The following PCDHGB1 variants were observed in gnomAD, a reference collection of about 807,000 sequenced individuals.
PCDHGB1 encodes protocadherin gamma-B1.
PCDHGB1 carries 34 observed loss-of-function variants against 56.6 expected under a neutral mutation model. The observed-to-expected ratio is 0.60, with a 90% CI of 0.46 to 0.80. The LOEUF is 0.80. PCDHGB1 is among the 30% of genes least tolerant of loss of function. The pLI, the probability that PCDHGB1 is intolerant of heterozygous loss-of-function variation, is 0.00. For synonymous variants in PCDHGB1, 561 were observed against 505.9 expected (o/e 1.11, Z -1.46); for missense variants, 1,278 against 1,204.6 (o/e 1.06, Z -0.90).
At chr5:141,409,241 A>G in intron 1 of PCDHGB1, 1 of 1,614,038 alleles carries the variant, frequency 6.2e-7, no homozygotes. Context: ...CAGCCCAGAA[A>G]TAATCATCAC....
intron 1 of PCDHGB1, chr5:141,404,708 T>C: frequency 6.2e-7 from 1 of 1,614,064 alleles, no homozygotes; most frequent in Non-Finnish European, 8.5e-7. Context: ...AGAGCCTGGC[T>C]ACCTGGTGAC....
intron 1 of PCDHGB1, chr5:141,366,610 C>T (rs1157276449): frequency 1.9e-6 from 3 of 1,614,232 alleles, no homozygotes; most frequent in Non-Finnish European, 2.5e-6. Context: ...TCTCCCTCAC[C>T]GCGGACTCGA....
intron 1 of PCDHGB1, chr5:141,365,046 C>G (rs753242901): frequency 6.2e-7 from 1 of 1,613,884 alleles, no homozygotes; most frequent in South Asian, 1.1e-5. Flanking sequence ...AACGACAATG[C>G]GCCCCTGTTC....
intron 1 of PCDHGB1, chr5:141,361,373 A>T (rs768174278): frequency 1.1e-5 from 18 of 1,613,958 alleles, no homozygotes; most frequent in Non-Finnish European, 1.5e-5. Flanking sequence ...CTGGACCGGG[A>T]GGAGATCCCA....
chr5:141,444,589 C>A (rs1198742574), intron 1 of PCDHGB1, among the ~76,000 whole-genome samples: 1 of 152,068 alleles, frequency 6.6e-6, no homozygotes, highest in Non-Finnish European at 1.5e-5. Context: ...TTTCTACTTA[C>A]CTTATTTAAA....
chr5:141,495,853 C>T (rs1254274145), intron 2 of PCDHGB1, among the ~76,000 whole-genome samples: 1 of 152,136 alleles, frequency 6.6e-6, no homozygotes, highest in African/African-American at 2.4e-5. Context: ...TTCTCTGTCT[C>T]TCACTATTTC....
intron 1 of PCDHGB1, chr5:141,357,413 C>A (rs374712311): frequency 6.2e-7 from 1 of 1,614,132 alleles, no homozygotes; most frequent in African/African-American, 1.3e-5. Flanking sequence ...GTGCCTGCCT[C>A]GCACTTTGTG....
intron 1 of PCDHGB1, among the ~76,000 whole-genome samples, chr5:141,479,050 C>T (rs1484021560): frequency 6.6e-6 from 1 of 152,164 alleles, no homozygotes; most frequent in African/African-American, 2.4e-5. Context: ...ACCTCATTCT[C>T]AGATAATTTT....
intron 1 of PCDHGB1, chr5:141,424,475 T>C (rs1399874639): frequency 2.6e-5 from 4 of 152,234 alleles, no homozygotes; most frequent in Admixed American, 2.0e-4. Context: ...ATTCTTTTAC[T>C]TTGGTGTCTG....
Position 141,489,090 on chromosome 5 carries a change from C to CCAA in PCDHGB1, c.2410-5717_2410-5716insCAA, listed in dbSNP as rs2099682444. 1 of 328,824 alleles carries CCAA rather than the reference C, an allele frequency of 3.0e-6. No individual in the cohort carries two copies. Among genetic ancestry groups the CCAA allele is most frequent in the Admixed American group, 6.1e-5 (1 of 16,500 alleles). The allele number at this position is 328,824 out of a possible 1,614,324, so 20.4% of individuals were successfully genotyped here. ...CCTGCCCACCCCCGCCACTCGGTGA[C>CCAA]TAAGAACTGCTGCAAGCAGGCAAAC... On this transcript the variant is annotated intron_variant, in intron 1 of 3. Transcript: ENST00000523390. This position sits in a 1 kb window ranked among gnomAD's most constrained non-coding sequence, Gnocchi z 4.5.
chr5:141,403,787 T>A (rs1213408515), intron 1 of PCDHGB1: 3 of 1,613,818 alleles, frequency 1.9e-6, no homozygotes, highest in Non-Finnish European at 2.5e-6. Flanking sequence ...AAAAGTGGCA[T>A]ACAAATTCTG....
At chr5:141,410,124 G>T in intron 1 of PCDHGB1, 1 of 1,612,726 alleles carries the variant, frequency 6.2e-7, no homozygotes, top group South Asian at 1.1e-5. Flanking sequence ...GCCCGCCAGC[G>T]CCTGCTGGTC....
intron 1 of PCDHGB1, chr5:141,377,207 A>G (rs1170353646): frequency 6.6e-6 from 1 of 152,122 alleles, no homozygotes; most frequent in Non-Finnish European, 1.5e-5. Context: ...GATTGAGTAC[A>G]TCTCGTTTCT....
At chr5:141,358,684 A>C (rs1437513367) in intron 1 of PCDHGB1, among the ~76,000 whole-genome samples, 1 of 152,182 alleles carries the variant, frequency 6.6e-6, no homozygotes, top group African/African-American at 2.4e-5. Flanking sequence ...ATTGCTTATC[A>C]TGACATCACT....
At chr5:141,360,109 G>T (rs1218338018) in intron 1 of PCDHGB1, 3 of 1,561,508 alleles carry the variant, frequency 1.9e-6, no homozygotes, top group African/African-American at 2.7e-5. Context: ...TTCCTCCTAT[G>T]GGCAAAGGAG....
intron 1 of PCDHGB1, chr5:141,357,302 C>G: frequency 3.7e-6 from 6 of 1,614,086 alleles, no homozygotes; most frequent in Non-Finnish European, 5.1e-6. Context: ...GCCGCTGTCT[C>G]CTGCGTCTTC....
At chr5:141,355,900 G>C in intron 1 of PCDHGB1, 1 of 1,613,626 alleles carries the variant, frequency 6.2e-7, no homozygotes, top group Non-Finnish European at 8.5e-7. Flanking sequence ...AATACTTGTG[G>C]ATACCAACGA....
In PCDHGB1 at chr5:141,512,494, C is replaced by T. The variant is rs2099884262; in HGVS notation, c.*1321C>T. The T allele has an allele frequency of 6.5e-6, 1 of 152,894 alleles. No individual in the cohort carries two copies. Among genetic ancestry groups the T allele is most frequent in the Admixed American group, 6.5e-5 (1 of 15,282 alleles). The allele number at this position is 152,894 out of a possible 1,614,324, so 9.5% of individuals were successfully genotyped here. Reference sequence around the variant, plus strand: ...CTTCCGTGAAGGCCACTGCCCAGGTCCCCAGTGCGCCCCCTAGTGGCCATA... The same window carrying T: ...CTTCCGTGAAGGCCACTGCCCAGGTTCCCAGTGCGCCCCCTAGTGGCCATA... On this transcript the variant is annotated 3_prime_UTR_variant, in exon 4 of 4. Transcript: ENST00000523390.
At position 141,476,881 on chromosome 5, in the gene PCDHGB1, G is replaced by A. The variant is rs1458703890; in HGVS notation, c.2410-17926G>A. On this transcript the variant is annotated intron_variant, in intron 1 of 3. Coordinates refer to ENST00000523390, the MANE Select transcript of PCDHGB1 (RefSeq NM_018922.3). The surrounding 1 kb of genome is among the most constrained non-coding windows in gnomAD (Gnocchi z 7.6). The stretch of plus-strand genomic sequence containing the variant: ...CCTTGTACCGGGCGCGCGTCCTGGA[G>A]GATGCACCCTCCGGCACGCGCGTGG... 1.9e-6 allele frequency: 3 copies of A among 1,613,874 alleles called. No homozygotes were observed. Among genetic ancestry groups the A allele is most frequent in the Middle Eastern group, 1.6e-4 (1 of 6,084 alleles).
Sources: allele counts gnomAD v4.1 joint callset (sites outside exome capture counted in the v4.1 genomes callset), GRCh38; gene constraint gnomAD v4.1.1; non-coding constraint Gnocchi (gnomAD v3.1); transcripts MANE v1.5; gene names NCBI Gene and HGNC (gene_info 2026-07-23, HGNC 2026-07-21).